RAB3C: variants seen among roughly 807,000 people sequenced by gnomAD.
The protein encoded by RAB3C is RAB3C, member RAS oncogene family, also known as ras-related protein Rab-3C.
A neutral mutation model predicts 26.4 loss-of-function variants in RAB3C; 17 were observed. The ratio of observed to expected loss-of-function variants is 0.64; its 90% confidence interval spans 0.44 to 0.97. RAB3C has a LOEUF of 0.97. Ranked by LOEUF, RAB3C falls within the 50% of genes least tolerant of loss-of-function variation. The probability of loss-of-function intolerance (pLI) is 0.00; values close to 1 mark genes in which losing one functional copy is unlikely to be tolerated. For synonymous variants in RAB3C, 91 were observed against 95.9 expected (o/e 0.95, Z 0.30); for missense variants, 242 against 281.9 (o/e 0.86, Z 1.01).
At chr5:58,685,427 C>G (rs752052826) in intron 2 of RAB3C, among the ~76,000 whole-genome samples, 1 of 152,082 alleles carries the variant, frequency 6.6e-6, no homozygotes, top group Non-Finnish European at 1.5e-5. Context: ...TTTCTGTCGC[C>G]CACTTAAAAA....
chr5:58,598,733 TG>T (rs528482207), intron 1 of RAB3C, among the ~76,000 whole-genome samples: 121 of 152,236 alleles, frequency 7.9e-4, no homozygotes, highest in Admixed American at 2.2e-3. Context: ...AAATACTTTT[TG>T]TGGCATATCA....
intron 3 of RAB3C, among the ~76,000 whole-genome samples, chr5:58,797,474 C>T (rs1742699473): frequency 6.6e-6 from 1 of 150,992 alleles, no homozygotes; most frequent in Non-Finnish European, 1.5e-5. Flanking sequence ...TTCCCACTCA[C>T]TGTTCTTCCC....
At chr5:58,619,030 G>A (rs1478133897) in intron 2 of RAB3C, among the ~76,000 whole-genome samples, 1 of 152,062 alleles carries the variant, frequency 6.6e-6, no homozygotes, top group Non-Finnish European at 1.5e-5. Flanking sequence ...TTAAAAATCT[G>A]TATAAACTGA....
chr5:58,723,128 A>G (rs1420738069), intron 2 of RAB3C, among the ~76,000 whole-genome samples: 1 of 151,784 alleles, frequency 6.6e-6, no homozygotes, highest in Non-Finnish European at 1.5e-5. Context: ...CCAGTTTATC[A>G]TTTGATGTTC....
At chr5:58,739,774 G>C (rs1741237241) in intron 3 of RAB3C, among the ~76,000 whole-genome samples, 1 of 152,172 alleles carries the variant, frequency 6.6e-6, no homozygotes, top group Admixed American at 6.5e-5. Flanking sequence ...AGTTTCTGTG[G>C]CCTCAATCTT....
intron 3 of RAB3C, among the ~76,000 whole-genome samples, chr5:58,727,763 C>T (rs1382231719): frequency 6.6e-6 from 1 of 151,866 alleles, no homozygotes; most frequent in Admixed American, 6.6e-5. Context: ...AATCCCAGGC[C>T]AGAAGTGCTA....
At position 58,851,329 on chromosome 5, in the gene RAB3C, C is replaced by T. The variant is rs751431428; in HGVS notation, c.662C>T (p.Pro221Leu). 6.8e-6 allele frequency: 11 copies of T among 1,607,396 alleles called. No individual in the cohort carries two copies. In the Admixed American group the frequency reaches 1.0e-4, roughly 15 times the overall value. The stretch of plus-strand genomic sequence containing the variant: ...AGACTCAAGGAAACTCCTCCTCCAC[C>T]GCAGCCCAACTGTGCCTGCTAGTGT... ...NTRLKETPPPPQPNCAC is the reference protein window; with the variant it reads ...NTRLKETPPPLQPNCAC The change falls in exon 5 of 5, where the codon CCG becomes CTG. Residue 221 changes from proline (P) to leucine (L), a missense_variant. By Grantham distance (98) the Pro-to-Leu change is moderately conservative (BLOSUM62 -3). Coordinates refer to ENST00000282878, the MANE Select transcript of RAB3C (RefSeq NM_138453.4).
intron 2 of RAB3C, among the ~76,000 whole-genome samples, chr5:58,663,867 A>G (rs1320260850): frequency 6.6e-6 from 1 of 152,180 alleles, no homozygotes; most frequent in Non-Finnish European, 1.5e-5. Flanking sequence ...GCCATCCTGA[A>G]AAACCCTTTG....
At chr5:58,690,610 T>C (rs1748551632) in intron 2 of RAB3C, among the ~76,000 whole-genome samples, 1 of 152,182 alleles carries the variant, frequency 6.6e-6, no homozygotes, top group Non-Finnish European at 1.5e-5. Context: ...TGTCTCTCTG[T>C]ATCTTTTCAC....
chr5:58,617,570 C>G, intron 1 of RAB3C, 73 bp from the exon 2 acceptor site: 2 of 1,186,214 alleles, frequency 1.7e-6, no homozygotes, highest in Non-Finnish European at 2.5e-6. Flanking sequence ...AATGAGTATG[C>G]TGCTAGCTTC....
At chr5:58,830,641 C>T (rs1343447235) in intron 4 of RAB3C, among the ~76,000 whole-genome samples, 1 of 152,166 alleles carries the variant, frequency 6.6e-6, no homozygotes, top group Non-Finnish European at 1.5e-5. Flanking sequence ...TTAAATCACC[C>T]TTGTCTCTCA....
At chr5:58,791,322 C>G (rs557322748) in intron 3 of RAB3C, among the ~76,000 whole-genome samples, 1 of 152,104 alleles carries the variant, frequency 6.6e-6, no homozygotes, top group Non-Finnish European at 1.5e-5. Context: ...AGAGAGTTGG[C>G]GTGCTCAAAC....
chr5:58,746,293 G>C (rs1741401458), intron 3 of RAB3C, among the ~76,000 whole-genome samples: 1 of 152,168 alleles, frequency 6.6e-6, no homozygotes, highest in Non-Finnish European at 1.5e-5. Flanking sequence ...ACATTGTCCT[G>C]TGCATTATCA....
chr5:58,735,273 T>C (rs1433380337), intron 3 of RAB3C, among the ~76,000 whole-genome samples: 8 of 152,176 alleles, frequency 5.3e-5, no homozygotes, highest in Admixed American at 4.6e-4. Context: ...CAGCCTTAGC[T>C]GGAACATGTG....
Position 58,652,405 on chromosome 5 carries a change from C to CT in RAB3C, c.252+34542dup, listed in dbSNP as rs938188732. On this transcript the variant is annotated intron_variant, in intron 2 of 4. Coordinates refer to ENST00000282878, the MANE Select transcript of RAB3C (RefSeq NM_138453.4). ...TATTCTCCAAGGAGGAGAAACTTAT[C>CT]TTTTTTTCTTAAAACTTATTTTTTT... 3.3e-5 allele frequency among the ~76,000 whole-genome samples: 5 copies of CT among 151,820 alleles called. No homozygotes were observed. In the South Asian group the frequency reaches 1.0e-3, roughly 32 times the overall value.
At chr5:58,635,302 A>T (rs1426577506) in intron 2 of RAB3C, among the ~76,000 whole-genome samples, 1 of 152,212 alleles carries the variant, frequency 6.6e-6, no homozygotes, top group Non-Finnish European at 1.5e-5. Context: ...TTTGTCAAAC[A>T]TGGGAAGTTA....
chr5:58,615,769 T>C (rs1269240353), intron 1 of RAB3C, among the ~76,000 whole-genome samples: 2 of 152,190 alleles, frequency 1.3e-5, no homozygotes, highest in African/African-American at 4.8e-5. Context: ...ATGCTTAAGC[T>C]TATGTTTAAT....
intron 3 of RAB3C, among the ~76,000 whole-genome samples, chr5:58,789,474 G>T (rs1264420503): frequency 6.6e-6 from 1 of 152,058 alleles, no homozygotes. Flanking sequence ...AAAATAGCTG[G>T]CCCTGTGTTT....
chr5:58,658,408 C>T (rs966613052), intron 2 of RAB3C, among the ~76,000 whole-genome samples: 1 of 152,126 alleles, frequency 6.6e-6, no homozygotes, highest in African/African-American at 2.4e-5. Flanking sequence ...ATCATGTCAT[C>T]TGCAAACAGG....
Sources: gnomAD v4.1 joint callset for allele counts (sites outside exome capture counted in the v4.1 genomes callset) on GRCh38, gnomAD v4.1.1 for gene constraint, MANE v1.5 for transcripts, NCBI Gene and HGNC (gene_info 2026-07-23, HGNC 2026-07-21) for gene names.